The following A1CF variants were observed in gnomAD, a reference collection of about 807,000 sequenced individuals.
The protein encoded by A1CF is APOBEC1 complementation factor.
In A1CF, 48 loss-of-function variants were observed where a neutral mutation model predicts 68.9. The ratio of observed to expected loss-of-function variants is 0.70; its 90% CI spans 0.55 to 0.89. The LOEUF (loss-of-function observed/expected upper bound fraction) is 0.89, where lower values mean the gene tolerates loss of function less well. Ranked by LOEUF, A1CF falls within the 40% of genes least tolerant of loss-of-function variation. The probability of loss-of-function intolerance (pLI) is 0.00; values close to 1 mark genes in which losing one functional copy is unlikely to be tolerated. For missense variants in A1CF, 653 were observed against 718.9 expected, an observed-to-expected ratio of 0.91 and a Z score of 1.05; for synonymous variants, 272 against 260.4, an observed-to-expected ratio of 1.04 and a Z score of -0.43.
intron 1 of A1CF, among the ~76,000 whole-genome samples, chr10:50,871,196 A>G (rs1028200352): frequency 1.3e-5 from 2 of 152,010 alleles, no homozygotes; most frequent in Middle Eastern, 3.5e-3. Context: ...ATATAATATG[A>G]TTGAAACTAA....
intron 3 of A1CF, among the ~76,000 whole-genome samples, chr10:50,854,044 A>G (rs1343962788): frequency 2.6e-5 from 4 of 151,954 alleles, no homozygotes; most frequent in African/African-American, 9.7e-5. Flanking sequence ...TATCACCCAA[A>G]TTTAATAATA....
At chr10:50,828,905 G>A (rs1203178314) in intron 6 of A1CF, among the ~76,000 whole-genome samples, 1 of 152,080 alleles carries the variant, frequency 6.6e-6, no homozygotes, top group East Asian at 1.9e-4. Flanking sequence ...AATAAATTGG[G>A]AATCTGGAGA....
chr10:50,837,455 C>T (rs1187497115), intron 5 of A1CF, among the ~76,000 whole-genome samples: 2 of 152,086 alleles, frequency 1.3e-5, no homozygotes, highest in Admixed American at 1.3e-4. Context: ...GGGAATATGT[C>T]CCTGGAAAAT....
At chr10:50,857,410 G>A (rs1421784325) in intron 3 of A1CF, among the ~76,000 whole-genome samples, 1 of 152,102 alleles carries the variant, frequency 6.6e-6, no homozygotes, top group Middle Eastern at 3.2e-3. Flanking sequence ...AGAGCACCAA[G>A]CAGGATGAGA....
At chr10:50,875,286 A>G (rs1046860931) in intron 1 of A1CF, among the ~76,000 whole-genome samples, 1 of 108,452 alleles carries the variant, frequency 9.2e-6, no homozygotes, top group African/African-American at 3.3e-5. Context: ...GAAGTACCTT[A>G]AAAAATCTGA....
At chr10:50,872,778 C>T (rs1334439619) in intron 1 of A1CF, among the ~76,000 whole-genome samples, 1 of 151,814 alleles carries the variant, frequency 6.6e-6, no homozygotes, top group Non-Finnish European at 1.5e-5. Context: ...GGATTGATCC[C>T]CTGTGGATAT....
chr10:50,880,718 A>G lies in A1CF; in HGVS notation c.-94+4863T>C, dbSNP rs377142253. On this transcript the variant is annotated intron_variant, in intron 1 of 12. Coordinates refer to ENST00000373997, the MANE Select transcript of A1CF (RefSeq NM_014576.4). ...CCAGATGGAAAGATAAGCACTAAGC[A>G]GAATCCCAGTAGAAGAGCTGGATAG... Among the ~76,000 whole-genome samples the G allele has an allele frequency of 3.7e-4, 57 of 152,356 alleles. 3 individuals are homozygous for G. In the South Asian group the frequency reaches 0.011, roughly 29 times the overall value.
In A1CF at chr10:50,885,562, C is replaced by G. The variant is rs1381153392; in HGVS notation, c.-94+19G>C. 1.3e-5 allele frequency: 2 copies of G among 152,120 alleles called. No homozygotes were observed. The highest frequency in any genetic ancestry group is 2.4e-5 in the African/African-American group (1 of 41,428). 9.4% of individuals were successfully genotyped at this position (152,120 alleles called of 1,614,324 possible). A position where few individuals can be genotyped will look rare whatever the true frequency, so the allele number is the denominator to read the frequency against. On this transcript the variant is annotated intron_variant, in intron 1 of 12. Transcript: ENST00000373997. ...TTCACAGAGTTGAAATAGAAAAAAG[C>G]AAAACACATGGATCATACCTGAGTA... is the stretch of plus-strand genomic sequence containing the variant.
At chr10:50,816,666 T>C (rs548594995) in intron 8 of A1CF, among the ~76,000 whole-genome samples, 1 of 152,198 alleles carries the variant, frequency 6.6e-6, no homozygotes, top group South Asian at 2.1e-4. Flanking sequence ...ATGGATGGTA[T>C]AAAATCTCCA....
intron 3 of A1CF, among the ~76,000 whole-genome samples, chr10:50,853,480 G>C (rs910139507): frequency 1.3e-5 from 2 of 152,020 alleles, no homozygotes; most frequent in South Asian, 4.1e-4. Flanking sequence ...TACTTTGCTT[G>C]TTTCTTTATC....
chr10:50,832,261 G>C (rs940901179), intron 6 of A1CF, among the ~76,000 whole-genome samples: 2 of 152,174 alleles, frequency 1.3e-5, no homozygotes. Context: ...CAGTGGGAGT[G>C]TTAATACCAT....
intron 3 of A1CF, among the ~76,000 whole-genome samples, chr10:50,847,135 G>C (rs1840038435): frequency 6.6e-6 from 1 of 152,124 alleles, no homozygotes; most frequent in Non-Finnish European, 1.5e-5. Flanking sequence ...TTCCTCAAGG[G>C]AAGCATTCTC....
chr10:50,806,665 T>C lies in A1CF; in HGVS notation c.*64A>G. 6.9e-7 allele frequency: 1 copy of C among 1,450,396 alleles called. No individual in the cohort carries two copies. The highest frequency in any genetic ancestry group is 9.2e-7 in the Non-Finnish European group (1 of 1,083,640). The allele number at this position is 1,450,396 out of a possible 1,614,324, so 89.8% of individuals were successfully genotyped here. On this transcript the variant is annotated 3_prime_UTR_variant, in exon 13 of 13. Transcript: ENST00000373997. ...TGATCATTGGGGACCGAGTTAGAGGTTTATTTCTTTTTTTTTTTTAATAGA... is the reference window on the plus strand; with the variant it reads ...TGATCATTGGGGACCGAGTTAGAGGCTTATTTCTTTTTTTTTTTTAATAGA...
intron 5 of A1CF, among the ~76,000 whole-genome samples, chr10:50,839,723 G>A (rs1462109727): frequency 6.6e-6 from 1 of 152,132 alleles, no homozygotes; most frequent in East Asian, 1.9e-4. Flanking sequence ...GAATCCAACT[G>A]ATCTTCCTGT....
At chr10:50,823,770 T>C (rs147571375) in intron 7 of A1CF, among the ~76,000 whole-genome samples, 1 of 152,224 alleles carries the variant, frequency 6.6e-6, no homozygotes, top group East Asian at 1.9e-4. Flanking sequence ...CAGGTCTCAA[T>C]TTTTGTTCTA....
intron 1 of A1CF, among the ~76,000 whole-genome samples, chr10:50,864,309 T>C (rs1489962880): frequency 6.6e-6 from 1 of 152,122 alleles, no homozygotes; most frequent in Non-Finnish European, 1.5e-5. Flanking sequence ...TAATATCTCA[T>C]ATTGGAGGAG....
chr10:50,868,686 G>A (rs892816368), intron 1 of A1CF, among the ~76,000 whole-genome samples: 2 of 152,164 alleles, frequency 1.3e-5, no homozygotes, highest in African/African-American at 4.8e-5. Flanking sequence ...GTTGTTCATA[G>A]TGGACATGTT....
chr10:50,859,589 G>A (rs1840645803), intron 3 of A1CF, among the ~76,000 whole-genome samples: 1 of 152,122 alleles, frequency 6.6e-6, no homozygotes, highest in Non-Finnish European at 1.5e-5. Context: ...TGCCTTTTTG[G>A]GATAGTCTCT....
At position 50,821,789 on chromosome 10, in the gene A1CF, G is replaced by A. The variant is rs1362689234; in HGVS notation, c.770-1140C>T. 2.6e-5 allele frequency among the ~76,000 whole-genome samples: 4 copies of A among 151,984 alleles called. No homozygotes were observed. In the East Asian group the frequency reaches 5.8e-4, roughly 22 times the overall value. ...CGACCTCAGGTGATCTGCCTACCTC[G>A]GCCTGCCAAAATGTTGAGATTACAG... On this transcript the variant is annotated intron_variant, in intron 7 of 12. Transcript: ENST00000373997.
Sources: allele counts gnomAD v4.1 joint callset (sites outside exome capture counted in the v4.1 genomes callset), GRCh38; gene constraint gnomAD v4.1.1; transcripts MANE v1.5; gene names NCBI Gene and HGNC (gene_info 2026-07-23, HGNC 2026-07-21).